The following VPS53 variants were observed in gnomAD, a reference collection of about 807,000 sequenced individuals.
VPS53 encodes the protein vacuolar protein sorting-associated protein 53 homolog.
VPS53 carries 70 observed loss-of-function variants against 107.0 expected under a neutral mutation model. The observed-to-expected ratio is 0.65, with a 90% CI of 0.54 to 0.80. The LOEUF (loss-of-function observed/expected upper bound fraction) is 0.80. Ranked by LOEUF, VPS53 falls within the 30% of genes least tolerant of loss-of-function variation. VPS53 has a pLI of 0.00. For synonymous variants in VPS53, 409 were observed against 393.3 expected (o/e 1.04, Z -0.47); for missense variants, 917 against 1,049.4 (o/e 0.87, Z 1.74).
At chr17:577,197 G>A (rs1201009006) in intron 13 of VPS53, among the ~76,000 whole-genome samples, 1 of 125,528 alleles carries the variant, frequency 8.0e-6, no homozygotes, top group Non-Finnish European at 1.7e-5. Flanking sequence ...CCCTCAGGAC[G>A]TCAATGCGTT....
intron 7 of VPS53, among the ~76,000 whole-genome samples, chr17:638,912 G>A (rs890716692): frequency 3.9e-5 from 6 of 152,006 alleles, no homozygotes; most frequent in African/African-American, 7.3e-5. Flanking sequence ...TGCTCTTCTC[G>A]AGGAATATCT....
intron 4 of VPS53, among the ~76,000 whole-genome samples, chr17:671,981 T>G (rs1971966871): frequency 6.6e-6 from 1 of 151,744 alleles, no homozygotes; most frequent in African/African-American, 2.4e-5. Flanking sequence ...GCCACCAGAA[T>G]GAGAATTGGG....
intron 5 of VPS53, among the ~76,000 whole-genome samples, chr17:657,873 AG>A (rs1203559984): frequency 1.3e-5 from 2 of 151,728 alleles, no homozygotes; most frequent in African/African-American, 4.9e-5. Context: ...CTCGGCAGGG[AG>A]TTCGTGGATA....
At chr17:598,760 C>T (rs1968138693) in intron 12 of VPS53, among the ~76,000 whole-genome samples, 1 of 133,256 alleles carries the variant, frequency 7.5e-6, no homozygotes, top group South Asian at 2.6e-4. Flanking sequence ...AGCCCCTCCG[C>T]CCGGCAGCCG....
At chr17:536,653 G>A (rs919082219) in intron 18 of VPS53, 6 of 198,326 alleles carry the variant, frequency 3.0e-5, no homozygotes, top group African/African-American at 1.4e-4. Flanking sequence ...ACAAACCGCA[G>A]CTGGATGGTG....
In VPS53 at chr17:519,424, G is replaced by T; in HGVS notation, c.2329-126C>A. Reference sequence around the variant, plus strand: ...GACAGCATAGTTACTCCAGGCTGAGGATGAACCGTTTCCTCAAGGGACTCA... The same window carrying T: ...GACAGCATAGTTACTCCAGGCTGAGTATGAACCGTTTCCTCAAGGGACTCA... On this transcript the variant is annotated intron_variant, in intron 21 of 21. Coordinates refer to ENST00000437048, the MANE Select transcript of VPS53 (RefSeq NM_001128159.3). This position sits in a 1 kb window ranked among gnomAD's most constrained non-coding sequence, Gnocchi z 5.0. 2.0e-6 allele frequency: 2 copies of T among 1,022,882 alleles called. No homozygotes were observed. The highest frequency in any genetic ancestry group is 2.7e-6 in the Non-Finnish European group (2 of 738,082). 63.4% of individuals were successfully genotyped at this position (1,022,882 alleles called of 1,614,324 possible).
chr17:587,193 G>C (rs1567652220), intron 12 of VPS53, among the ~76,000 whole-genome samples: 1 of 152,118 alleles, frequency 6.6e-6, no homozygotes, highest in Non-Finnish European at 1.5e-5. Context: ...CTCCTAAGTA[G>C]CTGGGACTAT....
At chr17:628,025 G>T in intron 9 of VPS53, 63 bp downstream of exon 9, 1 of 1,516,422 alleles carries the variant, frequency 6.6e-7, no homozygotes, top group Non-Finnish European at 9.0e-7. Flanking sequence ...TAGTAGGCTT[G>T]ACAGCACTCA....
At chr17:617,092 G>A (rs1969172930) in intron 11 of VPS53, among the ~76,000 whole-genome samples, 1 of 152,174 alleles carries the variant, frequency 6.6e-6, no homozygotes, top group African/African-American at 2.4e-5. Context: ...CCGGTTATCT[G>A]GATTACCAGC....
intron 10 of VPS53, among the ~76,000 whole-genome samples, chr17:626,428 G>A (rs1034569927): frequency 2.6e-5 from 4 of 152,130 alleles, no homozygotes; most frequent in Non-Finnish European, 5.9e-5. Flanking sequence ...CCGGCACTTC[G>A]GGAGGCTAAA....
intron 4 of VPS53, among the ~76,000 whole-genome samples, chr17:693,989 C>T (rs1258215148): frequency 6.6e-6 from 1 of 152,114 alleles, no homozygotes; most frequent in African/African-American, 2.4e-5. Context: ...GTCAAATAGA[C>T]TCCTTTTAGC....
At chr17:654,392 T>G (rs1168398195) in intron 6 of VPS53, among the ~76,000 whole-genome samples, 3 of 151,922 alleles carry the variant, frequency 2.0e-5, no homozygotes, top group African/African-American at 7.3e-5. Flanking sequence ...TTCATTAGGG[T>G]TGGGTTATTT....
chr17:602,129 G>A (rs1328395162), intron 11 of VPS53, among the ~76,000 whole-genome samples: 2 of 152,120 alleles, frequency 1.3e-5, no homozygotes, highest in East Asian at 1.9e-4. Flanking sequence ...AAACGCTCAC[G>A]CATCCTCAGT....
intron 4 of VPS53, among the ~76,000 whole-genome samples, chr17:696,504 C>G (rs1285016977): frequency 6.6e-6 from 1 of 152,188 alleles, no homozygotes; most frequent in African/African-American, 2.4e-5. Context: ...TGAGTTAGTG[C>G]TGATAAGGGA....
chr17:574,430 GTT>G (rs1490772187), intron 13 of VPS53, among the ~76,000 whole-genome samples: 3 of 152,188 alleles, frequency 2.0e-5, no homozygotes, highest in African/African-American at 7.2e-5. Context: ...AACCAGGTAG[GTT>G]TTGGGAAAGG....
chr17:582,689 C>A (rs1010914865), intron 13 of VPS53, among the ~76,000 whole-genome samples: 4 of 149,216 alleles, frequency 2.7e-5, no homozygotes, highest in African/African-American at 9.7e-5. Context: ...TCCCAGAGAA[C>A]CTCCCTCAGA....
intron 7 of VPS53, among the ~76,000 whole-genome samples, chr17:639,315 C>T (rs537057591): frequency 5.9e-5 from 9 of 152,190 alleles, no homozygotes; most frequent in South Asian, 2.1e-4. Context: ...GTTAGCCATT[C>T]GTCTAATCTT....
At chr17:644,003 T>C (rs927227287) in intron 7 of VPS53, among the ~76,000 whole-genome samples, 1 of 152,206 alleles carries the variant, frequency 6.6e-6, no homozygotes, top group Non-Finnish European at 1.5e-5. Flanking sequence ...GTGAAAAATA[T>C]ATTTTCGTTC....
At chr17:701,526 T>C (rs928162038) in intron 2 of VPS53, among the ~76,000 whole-genome samples, 1 of 147,882 alleles carries the variant, frequency 6.8e-6, no homozygotes, top group East Asian at 2.2e-4. Context: ...TACAGGCACA[T>C]GCCACCACGC....
Sources: allele counts gnomAD v4.1 joint callset (sites outside exome capture counted in the v4.1 genomes callset), GRCh38; gene constraint gnomAD v4.1.1; non-coding constraint Gnocchi (gnomAD v3.1); transcripts MANE v1.5; gene names NCBI Gene and HGNC (gene_info 2026-07-23, HGNC 2026-07-21).